Variants in LPP observed in about 807,000 individuals in gnomAD.
LPP encodes the protein LIM domain containing preferred translocation partner in lipoma.
In LPP, 38 loss-of-function variants were observed where a neutral mutation model predicts 60.4. That is an observed-to-expected ratio of 0.63 (90% confidence interval 0.49 to 0.83). The LOEUF is 0.83. Ranked by LOEUF, LPP falls within the 40% of genes least tolerant of loss-of-function variation. LPP has a pLI of 0.00. For synonymous variants in LPP, 328 were observed against 290.8 expected (o/e 1.13, Z -1.30); for missense variants, 902 against 783.6 (o/e 1.15, Z -1.80).
chr3:188,329,548 C>T lies in LPP; in HGVS notation c.-66-12115C>T, dbSNP rs375561728. ...TTCAGCGTCCTGTCTGTCCTTGAAA[C>T]TTCTGGATTTTGGAGCATTTTGAAT... is the stretch of plus-strand genomic sequence containing the variant. On this transcript the variant is annotated intron_variant, in intron 2 of 11. Transcript: ENST00000617246. Among the ~76,000 whole-genome samples the T allele has an allele frequency of 5.7e-4, 87 of 151,762 alleles. 3 individuals are homozygous for T. The South Asian group carries it at 0.019, about 32-fold the overall frequency.
intron 9 of LPP, among the ~76,000 whole-genome samples, chr3:188,849,641 G>C (rs1392702574): frequency 6.6e-6 from 1 of 151,698 alleles, no homozygotes; most frequent in Non-Finnish European, 1.5e-5. Context: ...TTTAATTTCT[G>C]TCTACCAACT....
At position 188,874,669 on chromosome 3, in the gene LPP, A is replaced by T. The variant is rs775606679; in HGVS notation, c.*190A>T. On this transcript the variant is annotated 3_prime_UTR_variant, in exon 12 of 12. Coordinates refer to ENST00000617246, the MANE Select transcript of LPP (RefSeq NM_001375462.1). Reference sequence around the variant, plus strand: ...CCAAATACACATTTCACATTGAATCATGTAGGATCTTGATGGGCCTTTGTT... The same window carrying T: ...CCAAATACACATTTCACATTGAATCTTGTAGGATCTTGATGGGCCTTTGTT... 1.6e-6 allele frequency: 1 copy of T among 608,912 alleles called. No homozygotes were observed. Among genetic ancestry groups the T allele is most frequent in the Non-Finnish European group, 2.7e-6 (1 of 367,844 alleles). 37.7% of individuals were successfully genotyped at this position (608,912 alleles called of 1,614,324 possible). A position where few individuals can be genotyped will look rare whatever the true frequency, so the allele number is the denominator to read the frequency against.
chr3:188,244,032 G>C (rs111480986), intron 2 of LPP, among the ~76,000 whole-genome samples: 1 of 152,036 alleles, frequency 6.6e-6, no homozygotes, highest in South Asian at 2.1e-4. Context: ...CACCACGCCC[G>C]GCTAATTTTT....
chr3:188,673,230 TTTTG>T lies in LPP; in HGVS notation c.1114-35021_1114-35018del, dbSNP rs534801670. On this transcript the variant is annotated intron_variant, in intron 7 of 11. Coordinates refer to ENST00000617246, the MANE Select transcript of LPP (RefSeq NM_001375462.1). ...GATTCATAATAGAGAAGTACCGTTT[TTTTG>T]TTTGTTTGTTTGTTTTTAACTCTGA... 3.9e-5 allele frequency among the ~76,000 whole-genome samples: 6 copies of T among 152,212 alleles called. No homozygotes were observed. In the East Asian group the frequency reaches 5.8e-4, roughly 15 times the overall value.
intron 2 of LPP, among the ~76,000 whole-genome samples, chr3:188,240,696 T>C (rs1724202456): frequency 6.6e-6 from 1 of 152,276 alleles, no homozygotes; most frequent in East Asian, 1.9e-4. Context: ...TCAGGTGGGA[T>C]AACACATCAA....
rs1405752280 is a variant in LPP, at chr3:188,609,778, T to C, written c.1047T>C (p.Thr349=). ...NQNPPGMYPV[T]GPKKTYITDP... ...ACCCTCCTGGGATGTATCCAGTCACTGGTCCCAAGAAGACCTATATCACAG... is the reference window on the plus strand; with the variant it reads ...ACCCTCCTGGGATGTATCCAGTCACCGGTCCCAAGAAGACCTATATCACAG... The change falls in exon 7 of 12, where the codon ACT becomes ACC. Residue 349 remains threonine, a synonymous_variant. Coordinates refer to ENST00000617246, the MANE Select transcript of LPP (RefSeq NM_001375462.1). The surrounding 1 kb of genome is among the most constrained non-coding windows in gnomAD (Gnocchi z 6.9). 1 of 1,613,958 alleles carries C rather than the reference T, an allele frequency of 6.2e-7. No individual in the cohort carries two copies. Among genetic ancestry groups the C allele is most frequent in the African/African-American group, 1.3e-5 (1 of 74,912 alleles).
Position 188,490,754 on chromosome 3 carries a change from T to TTA in LPP, c.306+6051_306+6052insAT, listed in dbSNP as rs1236000376. Among the ~76,000 whole-genome samples, 10 of 140,362 alleles carry TTA rather than the reference T, an allele frequency of 7.1e-5. No homozygotes were observed. The Admixed American group carries it at 7.2e-4, about 10-fold the overall frequency. 92.1% of individuals were successfully genotyped at this position (140,362 alleles called of 152,430 possible). Reference sequence around the variant, plus strand: ...TTTTAGCAAAACTGGCACTGGAATTTTTTTTTTTTTTTTTTTTTGGGACAG... The same window carrying TTA: ...TTTTAGCAAAACTGGCACTGGAATTTTATTTTTTTTTTTTTTTTTTGGGACAG... On this transcript the variant is annotated intron_variant, in intron 5 of 11. Coordinates refer to ENST00000617246, the MANE Select transcript of LPP (RefSeq NM_001375462.1).
intron 2 of LPP, among the ~76,000 whole-genome samples, chr3:188,290,582 G>C (rs533671260): frequency 6.6e-6 from 1 of 152,002 alleles, no homozygotes; most frequent in East Asian, 1.9e-4. Flanking sequence ...GTTTAGGACT[G>C]TTCATGTTCC....
chr3:188,369,513 G>A lies in LPP; in HGVS notation c.-10+27794G>A, dbSNP rs532631254. The stretch of plus-strand genomic sequence containing the variant: ...ATTCTTGTCTTGTCAACCTCCTGGG[G>A]TTGTTGTGAGGATTAAGTGAGATAA... On this transcript the variant is annotated intron_variant, in intron 3 of 11. Coordinates refer to ENST00000617246, the MANE Select transcript of LPP (RefSeq NM_001375462.1). 9.9e-5 allele frequency among the ~76,000 whole-genome samples: 15 copies of A among 152,214 alleles called. No homozygotes were observed. In the South Asian group the frequency reaches 3.1e-3, roughly 32 times the overall value.
Position 188,250,808 on chromosome 3 carries a change from C to CTT in LPP, c.-67+25282_-67+25283insTT, listed in dbSNP as rs749622593. Among the ~76,000 whole-genome samples, 698 of 132,070 alleles carry CTT rather than the reference C, an allele frequency of 5.3e-3. 10 individuals are homozygous for CTT. The highest frequency in any genetic ancestry group is 0.033 in the Middle Eastern group (8 of 246). The allele number at this position is 132,070 out of a possible 152,430, so 86.6% of individuals were successfully genotyped here. ...TTTCTGTCTTTCTCTTTCTTTCTTT[C>CTT]TCTTTCTTTCTTTCTTTTTCTTTCT... is the stretch of plus-strand genomic sequence containing the variant. On this transcript the variant is annotated intron_variant, in intron 2 of 11. Transcript: ENST00000617246.
chr3:188,640,062 T>C (rs1360499834), intron 7 of LPP, among the ~76,000 whole-genome samples: 1 of 151,816 alleles, frequency 6.6e-6, no homozygotes, highest in East Asian at 1.9e-4. Context: ...TAAAGACACA[T>C]GCACACGTAT....
chr3:188,390,164 C>G (rs762656379), intron 3 of LPP, among the ~76,000 whole-genome samples: 8 of 152,152 alleles, frequency 5.3e-5, no homozygotes, highest in Non-Finnish European at 1.0e-4. Flanking sequence ...CCTGCTCCTG[C>G]CCCTCCCTGC....
intron 2 of LPP, among the ~76,000 whole-genome samples, chr3:188,337,750 T>C (rs1020490176): frequency 2.0e-4 from 30 of 152,214 alleles, no homozygotes; most frequent in African/African-American, 6.8e-4. Flanking sequence ...TCCACTCACC[T>C]TGGCCTCCCA....
At position 188,241,171 on chromosome 3, in the gene LPP, C is replaced by G. The variant is rs559971242; in HGVS notation, c.-67+15644C>G. On this transcript the variant is annotated intron_variant, in intron 2 of 11. Transcript: ENST00000617246. ...TGGGGATAGCCTGACACTCTAGGAG[C>G]AGAAGGTGGTGGGTATGGATAGAAC... Among the ~76,000 whole-genome samples, 6 of 152,292 alleles carry G rather than the reference C, an allele frequency of 3.9e-5. No homozygotes were observed. In the South Asian group the frequency reaches 8.3e-4, roughly 21 times the overall value.
At chr3:188,636,548 C>T (rs1240734261) in intron 7 of LPP, among the ~76,000 whole-genome samples, 3 of 152,154 alleles carry the variant, frequency 2.0e-5, no homozygotes, top group Non-Finnish European at 2.9e-5. Flanking sequence ...CTGGGGGGAG[C>T]CCACCACAGC....
chr3:188,294,941 G>T (rs1747351541), intron 2 of LPP, among the ~76,000 whole-genome samples: 1 of 152,124 alleles, frequency 6.6e-6, no homozygotes. Context: ...AACTGTGGCT[G>T]GCTTCTCACA....
At chr3:188,179,852 A>G in intron 1 of LPP, 1 of 262,698 alleles carries the variant, frequency 3.8e-6, no homozygotes, top group Non-Finnish European at 7.6e-6. Context: ...AGATAATGGC[A>G]CCTTGAGGCC....
rs542717170 is a variant in LPP at position 188,475,540 on chromosome 3, G to A, written c.194-9052G>A. ...TGTAGACAACCCCTGTTAACATACA[G>A]GCCTATATAAAATTGGGACCATATT... On this transcript the variant is annotated intron_variant, in intron 4 of 11. Coordinates refer to ENST00000617246, the MANE Select transcript of LPP (RefSeq NM_001375462.1). 9.2e-5 allele frequency among the ~76,000 whole-genome samples: 14 copies of A among 152,142 alleles called. No individual in the cohort carries two copies. The East Asian group carries it at 2.7e-3, about 29-fold the overall frequency.
At chr3:188,230,054 C>T (rs1719286917) in intron 2 of LPP, among the ~76,000 whole-genome samples, 1 of 151,922 alleles carries the variant, frequency 6.6e-6, no homozygotes, top group Non-Finnish European at 1.5e-5. Context: ...GGGAAAAAGA[C>T]AAACATATAA....
Sources: allele counts gnomAD v4.1 joint callset (sites outside exome capture counted in the v4.1 genomes callset), GRCh38; gene constraint gnomAD v4.1.1; non-coding constraint Gnocchi (gnomAD v3.1); transcripts MANE v1.5; gene names NCBI Gene and HGNC (gene_info 2026-07-23, HGNC 2026-07-21).